Variants in MFSD8 observed in about 807,000 individuals in gnomAD.
MFSD8 encodes the protein major facilitator superfamily domain-containing protein 8.
A neutral mutation model predicts 66.4 loss-of-function variants in MFSD8; 55 were observed. The ratio of observed to expected loss-of-function variants is 0.83; its 90% CI spans 0.67 to 1.04. MFSD8 has a LOEUF of 1.04. Ranked by LOEUF, MFSD8 falls within the 50% of genes least tolerant of loss-of-function variation. The pLI, the probability that MFSD8 is intolerant of heterozygous loss-of-function variation, is 0.00. For missense variants in MFSD8, 550 were observed against 627.6 expected, an observed-to-expected ratio of 0.88 and a Z score of 1.32; for synonymous variants, 202 against 212.8, an observed-to-expected ratio of 0.95 and a Z score of 0.44.
intron 1 of MFSD8, 81 bp downstream of exon 1, chr4:127,964,991 C>A: frequency 6.6e-7 from 1 of 1,526,632 alleles, no homozygotes; most frequent in Non-Finnish European, 9.0e-7. Flanking sequence ...GAGGGTTTGT[C>A]CCAGTGCGGG....
rs544462800 is a variant in MFSD8, at chr4:127,942,253, T to A, written c.440-95A>T. 7 of 915,786 alleles carry A rather than the reference T, an allele frequency of 7.6e-6. No individual in the cohort carries two copies. The East Asian group carries it at 1.7e-4, about 23-fold the overall frequency. The allele number at this position is 915,786 out of a possible 1,614,324, so 56.7% of individuals were successfully genotyped here. ...TGACTTTATACAGAAGAAGAAATCT[T>A]GGTCAACAGTACAGTCACTGCTTCC... On this transcript the variant is annotated intron_variant, in intron 4 of 11. Coordinates refer to ENST00000641686, the MANE Select transcript of MFSD8 (RefSeq NM_001371596.2).
At chr4:127,927,491 G>C (rs971261305) in intron 9 of MFSD8, among the ~76,000 whole-genome samples, 4 of 152,144 alleles carry the variant, frequency 2.6e-5, no homozygotes, top group African/African-American at 9.7e-5. Flanking sequence ...TTTCAACTTA[G>C]TGCTATTTTC....
In MFSD8 at chr4:127,930,758, T is replaced by C. The variant is rs757345902; in HGVS notation, c.923A>G (p.Tyr308Cys). ...YAWTQEQAVLYNGIILAALGV... is the reference protein window; with the variant it reads ...YAWTQEQAVLCNGIILAALGV... The stretch of plus-strand genomic sequence containing the variant: ...AAGAGCAGCAAGTATTATGCCATTA[T>C]ATAACACAGCTTGTTCTTGAGTCCA... The change falls in exon 9 of 12, where the codon TAT (tyrosine) becomes TGT (cysteine). Residue 308 changes from tyrosine (Y) to cysteine (C), a missense_variant. Transcript: ENST00000641686. 3.7e-6 allele frequency: 6 copies of C among 1,613,262 alleles called. No homozygotes were observed. The highest frequency in any genetic ancestry group is 1.1e-5 in the South Asian group (1 of 90,876).
chr4:127,947,894 A>ACT lies in MFSD8; in HGVS notation c.198+1909_198+1910insAG, dbSNP rs1303600540. Among the ~76,000 whole-genome samples the ACT allele has an allele frequency of 2.1e-3, 320 of 149,762 alleles. 2 individuals are homozygous for ACT. Among genetic ancestry groups the ACT allele is most frequent in the African/African-American group, 7.4e-3 (298 of 40,448 alleles). Reference sequence around the variant, plus strand: ...CACACACACACACACACACACACACACACACTCTCTCTCCAACCTCATAGA... The same window carrying ACT: ...CACACACACACACACACACACACACACTCACACTCTCTCTCCAACCTCATAGA... On this transcript the variant is annotated intron_variant, in intron 3 of 11. Transcript: ENST00000641686.
chr4:127,922,108 T>A, intron 9 of MFSD8, 145 bp from the exon 10 acceptor site: 1 of 892,908 alleles, frequency 1.1e-6, no homozygotes, highest in Non-Finnish European at 1.8e-6. Context: ...AATTTTCCAC[T>A]AAAAATAACC....
chr4:127,941,584 C>G (rs987228799), intron 5 of MFSD8, among the ~76,000 whole-genome samples: 1 of 152,080 alleles, frequency 6.6e-6, no homozygotes, highest in African/African-American at 2.4e-5. Context: ...GCCTCAGCCT[C>G]CCAAGTAGCT....
chr4:127,965,023 T>A (rs1463274723), intron 1 of MFSD8, 49 bp downstream of exon 1: 21 of 1,600,938 alleles, frequency 1.3e-5, no homozygotes, highest in Admixed American at 8.5e-5. Flanking sequence ...AAGGAACCAG[T>A]CCCAACAGCG....
intron 8 of MFSD8, 42 bp from the exon 9 acceptor site, chr4:127,930,859 T>C (rs760461444): frequency 6.4e-7 from 1 of 1,557,524 alleles, no homozygotes; most frequent in Non-Finnish European, 8.8e-7. Flanking sequence ...TAAATCACAG[T>C]AACTGTTATA....
intron 3 of MFSD8, among the ~76,000 whole-genome samples, chr4:127,947,571 C>A (rs548950455): frequency 6.9e-6 from 1 of 144,072 alleles, no homozygotes; most frequent in Non-Finnish European, 1.5e-5. Flanking sequence ...GAGCAAGACT[C>A]CATTGCAAAA....
chr4:127,965,960 G>T, upstream of MFSD8: 1 of 152,434 alleles, frequency 6.6e-6, no homozygotes. Flanking sequence ...GCAGGTCCCC[G>T]GATGCGCACC....
At chr4:127,932,810 A>AT in intron 8 of MFSD8, 175 bp downstream of exon 8, 1 of 548,088 alleles carries the variant, frequency 1.8e-6, no homozygotes, top group East Asian at 3.1e-5. Context: ...ATGGACAAAT[A>AT]ATTAACTACA....
intron 9 of MFSD8, among the ~76,000 whole-genome samples, chr4:127,926,559 A>G (rs905510939): frequency 1.3e-5 from 2 of 151,898 alleles, no homozygotes; most frequent in East Asian, 2.0e-4. Flanking sequence ...AGGGGATGGT[A>G]TTGGACATTC....
intron 9 of MFSD8, among the ~76,000 whole-genome samples, chr4:127,929,410 C>G (rs1737771557): frequency 7.2e-6 from 1 of 137,998 alleles, no homozygotes; most frequent in African/African-American, 2.8e-5. Context: ...GATCTTGTCT[C>G]TACAAAAAGT....
At chr4:127,952,276 G>T (rs1742119686) in intron 2 of MFSD8, among the ~76,000 whole-genome samples, 1 of 151,834 alleles carries the variant, frequency 6.6e-6, no homozygotes, top group East Asian at 2.0e-4. Flanking sequence ...GTAGCGGCAT[G>T]CATCGTAGTC....
intron 6 of MFSD8, 152 bp from the exon 7 acceptor site, chr4:127,938,990 C>A: frequency 2.0e-6 from 1 of 506,752 alleles, no homozygotes; most frequent in East Asian, 3.1e-5. Context: ...GAGATATAAC[C>A]AATAAACTTA....
intron 2 of MFSD8, among the ~76,000 whole-genome samples, chr4:127,952,869 CAAAAA>C (rs758640018): frequency 1.5e-5 from 1 of 65,290 alleles, no homozygotes. Flanking sequence ...GACTCCACCT[CAAAAA>C]AAAAAAAAAA....
At chr4:127,922,263 C>T (rs1353047394) in intron 9 of MFSD8, among the ~76,000 whole-genome samples, 1 of 151,946 alleles carries the variant, frequency 6.6e-6, no homozygotes, top group Non-Finnish European at 1.5e-5. Flanking sequence ...AGAAGCTGGC[C>T]AAAAATGTGA....
At chr4:127,949,948 C>T in intron 2 of MFSD8, 101 bp from the exon 3 acceptor site, 1 of 1,068,950 alleles carries the variant, frequency 9.4e-7, no homozygotes, top group Non-Finnish European at 1.4e-6. Context: ...ATATTCTGAA[C>T]CTAAAATCTA....
At chr4:127,965,403 TC>T (rs1744938995), upstream of MFSD8, 3 of 577,212 alleles carry the variant, frequency 5.2e-6, no homozygotes, top group South Asian at 2.0e-5. Context: ...TCGGGGCGTG[TC>T]CAAACTGCCG....
Sources: allele counts gnomAD v4.1 joint callset (sites outside exome capture counted in the v4.1 genomes callset), GRCh38; gene constraint gnomAD v4.1.1; transcripts MANE v1.5; gene names NCBI Gene and HGNC (gene_info 2026-07-23, HGNC 2026-07-21).